PCDH15: variants seen among roughly 807,000 people sequenced by gnomAD.
PCDH15 encodes the protein protocadherin-15.
A neutral mutation model predicts 178.5 loss-of-function variants in PCDH15; 129 were observed. The ratio of observed to expected loss-of-function variants is 0.72; its 90% CI spans 0.63 to 0.84. PCDH15 has a LOEUF of 0.84. PCDH15 is among the 40% of genes least tolerant of loss of function. PCDH15 has a pLI of 0.00. For missense variants in PCDH15, 2,230 were observed against 2,099.9 expected (o/e 1.06, Z -1.21); for synonymous variants, 800 against 732.0 (o/e 1.09, Z -1.50).
chr10:55,615,998 G>A (rs1319850665), intron 2 of PCDH15, among the ~76,000 whole-genome samples: 1 of 152,150 alleles, frequency 6.6e-6, no homozygotes, highest in Non-Finnish European at 1.5e-5. Flanking sequence ...TTGAGACAGA[G>A]GTACCAAGAT....
intron 26 of PCDH15, among the ~76,000 whole-genome samples, chr10:53,874,015 T>G (rs2080049598): frequency 6.6e-6 from 1 of 152,244 alleles, no homozygotes; most frequent in Admixed American, 6.5e-5. Context: ...GAAAAATAAA[T>G]TTGTCTTGTA....
intron 2 of PCDH15, among the ~76,000 whole-genome samples, chr10:55,561,452 A>AT (rs1203836811): frequency 6.6e-6 from 1 of 151,938 alleles, no homozygotes; most frequent in African/African-American, 2.4e-5. Flanking sequence ...ACTTTTGAAC[A>AT]TGATAGGACA....
intron 25 of PCDH15, among the ~76,000 whole-genome samples, chr10:53,937,667 C>T (rs1460414591): frequency 5.9e-5 from 9 of 152,130 alleles, no homozygotes; most frequent in African/African-American, 2.2e-4. Context: ...TACACTGAAT[C>T]AGTAAATGAG....
intron 8 of PCDH15, among the ~76,000 whole-genome samples, chr10:54,276,952 C>T (rs974884241): frequency 1.3e-5 from 2 of 151,538 alleles, no homozygotes; most frequent in African/African-American, 4.8e-5. Flanking sequence ...TGGGGTTGCG[C>T]AGAGAGGGTG....
intron 13 of PCDH15, among the ~76,000 whole-genome samples, chr10:54,157,301 C>G (rs2045258761): frequency 6.6e-6 from 1 of 152,244 alleles, no homozygotes; most frequent in Non-Finnish European, 1.5e-5. Context: ...TCCATACATC[C>G]TCTGAAATCT....
At chr10:55,052,089 GA>G (rs1162548140) in intron 2 of PCDH15, among the ~76,000 whole-genome samples, 8 of 150,970 alleles carry the variant, frequency 5.3e-5, no homozygotes, top group East Asian at 2.0e-4. Flanking sequence ...TAATCGATAC[GA>G]TTTTTTTTTT....
chr10:53,957,821 G>A (rs767321687), intron 23 of PCDH15, among the ~76,000 whole-genome samples: 1 of 151,936 alleles, frequency 6.6e-6, no homozygotes, highest in African/African-American at 2.4e-5. Context: ...ACAGGTTACT[G>A]TGTCAGAAAA....
In PCDH15 at chr10:55,443,489, T is replaced by C. The variant is rs147443637; in HGVS notation, c.-156+184136A>G. On this transcript the variant is annotated intron_variant, in intron 2 of 5. Coordinates refer to the PCDH15 transcript ENST00000613346. ...TGGGCAAAGGTTATGAACAGACACT[T>C]CTCAAAAGAAGACATTATTGCGGCC... is the stretch of plus-strand genomic sequence containing the variant. Among the ~76,000 whole-genome samples, 310 of 152,184 alleles carry C rather than the reference T, an allele frequency of 2.0e-3. 15 individuals carry two copies. The East Asian group carries it at 0.053, about 26-fold the overall frequency.
At chr10:54,741,727 C>A (rs1033896669) in intron 1 of PCDH15, among the ~76,000 whole-genome samples, 3 of 152,084 alleles carry the variant, frequency 2.0e-5, no homozygotes, top group Admixed American at 1.3e-4. Context: ...TCATGGCCCC[C>A]TTCTATCTTT....
chr10:54,791,906 A>G (rs1951452607), intron 1 of PCDH15, among the ~76,000 whole-genome samples: 1 of 151,894 alleles, frequency 6.6e-6, no homozygotes, highest in Non-Finnish European at 1.5e-5. Flanking sequence ...TAGCACCTTT[A>G]CAATGTGCAT....
chr10:55,221,592 C>T (rs1280797621), intron 1 of PCDH15, among the ~76,000 whole-genome samples: 1 of 152,006 alleles, frequency 6.6e-6, no homozygotes, highest in Non-Finnish European at 1.5e-5. Flanking sequence ...TAAATTACCA[C>T]ACTCTCTCAT....
intron 20 of PCDH15, among the ~76,000 whole-genome samples, chr10:54,009,782 A>G (rs950175677): frequency 6.6e-6 from 1 of 152,160 alleles, no homozygotes; most frequent in Non-Finnish European, 1.5e-5. Context: ...GGACTTTTGC[A>G]TCCCTGGACT....
intron 3 of PCDH15, among the ~76,000 whole-genome samples, chr10:54,460,918 C>T (rs1368358068): frequency 1.3e-5 from 2 of 151,980 alleles, no homozygotes; most frequent in Non-Finnish European, 2.9e-5. Flanking sequence ...GAAATCATGA[C>T]ATTAAAACTA....
chr10:55,211,698 AAG>A (rs1840576072), intron 1 of PCDH15, among the ~76,000 whole-genome samples: 1 of 152,266 alleles, frequency 6.6e-6, no homozygotes, highest in Non-Finnish European at 1.5e-5. Context: ...ATTATAAACC[AAG>A]AAGCCAATAA....
intron 27 of PCDH15, among the ~76,000 whole-genome samples, chr10:53,864,110 T>C (rs943568144): frequency 2.0e-5 from 3 of 152,146 alleles, no homozygotes; most frequent in Non-Finnish European, 4.4e-5. Flanking sequence ...GTTTTAGTCA[T>C]TAATTTAAAT....
intron 3 of PCDH15, among the ~76,000 whole-genome samples, chr10:54,853,287 GTGTATA>G (rs1427419741): frequency 2.3e-3 from 128 of 56,560 alleles, no homozygotes; most frequent in African/African-American, 7.0e-3. Flanking sequence ...GTATGTATGT[GTGTATA>G]TATATATATA....
chr10:55,212,458 G>T (rs1408011965), intron 1 of PCDH15, among the ~76,000 whole-genome samples: 2 of 151,874 alleles, frequency 1.3e-5, no homozygotes, highest in Non-Finnish European at 2.9e-5. Context: ...CTGTGTCCTT[G>T]TTCTCCTTGA....
At chr10:54,352,559 A>G (rs1396140250) in intron 5 of PCDH15, among the ~76,000 whole-genome samples, 1 of 152,186 alleles carries the variant, frequency 6.6e-6, no homozygotes, top group Non-Finnish European at 1.5e-5. Context: ...CACTACAGTT[A>G]CTTATCATAT....
intron 2 of PCDH15, among the ~76,000 whole-genome samples, chr10:55,571,871 C>G (rs1211778634): frequency 6.6e-6 from 1 of 151,938 alleles, no homozygotes; most frequent in East Asian, 1.9e-4. Context: ...ACTTTATCAT[C>G]GTATGCACTG....
Sources: allele counts gnomAD v4.1 joint callset (sites outside exome capture counted in the v4.1 genomes callset), GRCh38; gene constraint gnomAD v4.1.1; transcripts MANE v1.5; gene names NCBI Gene and HGNC (gene_info 2026-07-23, HGNC 2026-07-21).